CDH13: variants seen among roughly 807,000 people sequenced by gnomAD.
CDH13 encodes the protein cadherin 13, also known as cadherin-13.
In CDH13, 24 loss-of-function variants were observed where a neutral mutation model predicts 63.8. The ratio of observed to expected loss-of-function variants is 0.38; its 90% CI spans 0.27 to 0.53. CDH13 has a LOEUF of 0.53. Ranked by LOEUF, CDH13 falls within the 20% of genes least tolerant of loss-of-function variation. CDH13 has a pLI of 0.85. For synonymous variants in CDH13, 503 were observed against 355.3 expected (o/e 1.42, Z -4.67); for missense variants, 1,049 against 903.1 (o/e 1.16, Z -2.07).
rs1778250801 is a variant in CDH13 at position 83,774,597 on chromosome 16, C to A, written c.1682-5371C>A. On this transcript the variant is annotated intron_variant, in intron 11 of 13. Coordinates refer to ENST00000567109, the MANE Select transcript of CDH13 (RefSeq NM_001257.5). ...CCATGTTGGCCAGGCCAGTGTCAAA[C>A]TCCTGACCTCAAGTGATCTGCCCAC... is the stretch of plus-strand genomic sequence containing the variant. Among the ~76,000 whole-genome samples, 2 of 152,216 alleles carry A rather than the reference C, an allele frequency of 1.3e-5. 1 individual carries two copies. The highest frequency in any genetic ancestry group is 4.1e-4 in the South Asian group (2 of 4,834).
chr16:83,613,397 G>T (rs1238393737), intron 8 of CDH13, among the ~76,000 whole-genome samples: 1 of 152,034 alleles, frequency 6.6e-6, no homozygotes, highest in Non-Finnish European at 1.5e-5. Flanking sequence ...ATGTGTTTGT[G>T]TTTGTATGCA....
At chr16:83,482,632 G>A (rs947766939) in intron 6 of CDH13, among the ~76,000 whole-genome samples, 2 of 152,254 alleles carry the variant, frequency 1.3e-5, no homozygotes, top group Admixed American at 6.5e-5. Flanking sequence ...TCCAGGGGAA[G>A]GTACTGGCAA....
rs938874158 is a variant in CDH13 at position 82,741,366 on chromosome 16, C to T, written c.45+114229C>T. On this transcript the variant is annotated intron_variant, in intron 1 of 13. Coordinates refer to ENST00000567109, the MANE Select transcript of CDH13 (RefSeq NM_001257.5). The stretch of plus-strand genomic sequence containing the variant: ...GAATTGATGTTTATTCGTCAGAGCC[C>T]AGCTCAAACTTTACAACGTCTGCAC... 9.3e-4 allele frequency among the ~76,000 whole-genome samples: 141 copies of T among 152,180 alleles called. 1 individual carries two copies. Among genetic ancestry groups the T allele is most frequent in the African/African-American group, 3.3e-3 (137 of 41,454 alleles).
At chr16:83,241,279 A>G (rs1904421820) in intron 5 of CDH13, among the ~76,000 whole-genome samples, 1 of 152,216 alleles carries the variant, frequency 6.6e-6, no homozygotes, top group Admixed American at 6.5e-5. Context: ...TGACTATTGT[A>G]AATTACACTT....
At chr16:83,098,302 T>A (rs75353264) in intron 3 of CDH13, among the ~76,000 whole-genome samples, 2,614 of 152,336 alleles carry the variant, frequency 0.017, 78 homozygotes, top group African/African-American at 0.059. Context: ...TCCCAGCCTT[T>A]GCACTACTGC....
intron 2 of CDH13, among the ~76,000 whole-genome samples, chr16:82,896,604 G>T (rs560015222): frequency 2.0e-5 from 3 of 151,796 alleles, no homozygotes; most frequent in Admixed American, 1.3e-4. Context: ...CTCCAGGACA[G>T]GATTAAAGTG....
intron 4 of CDH13, among the ~76,000 whole-genome samples, chr16:83,211,601 C>A (rs1488930084): frequency 6.6e-6 from 1 of 152,170 alleles, no homozygotes; most frequent in Non-Finnish European, 1.5e-5. Context: ...CTGAATGGAA[C>A]ATTGGCTTTG....
At chr16:82,757,115 T>A (rs972329171) in intron 1 of CDH13, among the ~76,000 whole-genome samples, 1 of 152,152 alleles carries the variant, frequency 6.6e-6, no homozygotes, top group African/African-American at 2.4e-5. Context: ...AACTCTTAGT[T>A]CATACAGTGG....
chr16:83,259,859 G>C (rs1360595081), intron 5 of CDH13, among the ~76,000 whole-genome samples: 2 of 151,988 alleles, frequency 1.3e-5, no homozygotes, highest in Admixed American at 6.6e-5. Flanking sequence ...CCCTTCAAGT[G>C]AAAGAAGCAA....
chr16:83,661,718 C>T (rs78428659), intron 8 of CDH13, among the ~76,000 whole-genome samples: 1 of 152,186 alleles, frequency 6.6e-6, no homozygotes, highest in Non-Finnish European at 1.5e-5. Context: ...AGTACAGTCA[C>T]TGGAAGGTGG....
intron 1 of CDH13, among the ~76,000 whole-genome samples, chr16:82,769,871 G>GGAT (rs1251874374): frequency 6.6e-6 from 1 of 152,198 alleles, no homozygotes; most frequent in Non-Finnish European, 1.5e-5. Flanking sequence ...AAATGTGACA[G>GGAT]GATAAGTCAG....
rs957293794 is a variant in CDH13, at chr16:83,739,259, C to CA, written c.1539-8841dup. Among the ~76,000 whole-genome samples the CA allele has an allele frequency of 4.6e-4, 69 of 151,624 alleles. 1 individual carries two copies. Among genetic ancestry groups the CA allele is most frequent in the African/African-American group, 1.5e-3 (63 of 41,242 alleles). On this transcript the variant is annotated intron_variant, in intron 10 of 13. Transcript: ENST00000567109. ...GAGGGTGTCTACGTGACCAGCCCCC[C>CA]AAAAAAAACCCTGAATGTTGAGTCT... is the stretch of plus-strand genomic sequence containing the variant.
chr16:83,312,266 C>A (rs770625899), intron 5 of CDH13, among the ~76,000 whole-genome samples: 1 of 152,102 alleles, frequency 6.6e-6, no homozygotes, highest in Admixed American at 6.5e-5. Flanking sequence ...CACAGTACTG[C>A]TCTTATGTGA....
chr16:83,069,738 C>A (rs1307390777), intron 3 of CDH13, among the ~76,000 whole-genome samples: 1 of 152,152 alleles, frequency 6.6e-6, no homozygotes, highest in East Asian at 1.9e-4. Context: ...CACTCTGACA[C>A]CCATTCCAGT....
At chr16:83,680,633 GA>G (rs1915328421) in intron 10 of CDH13, among the ~76,000 whole-genome samples, 1 of 152,072 alleles carries the variant, frequency 6.6e-6, no homozygotes, top group Admixed American at 6.5e-5. Flanking sequence ...GGAGGTCAGA[GA>G]AAGCAACCTA....
intron 2 of CDH13, among the ~76,000 whole-genome samples, chr16:82,915,066 C>G (rs2041945009): frequency 6.6e-6 from 1 of 152,184 alleles, no homozygotes; most frequent in Non-Finnish European, 1.5e-5. Flanking sequence ...TATCCTGTTG[C>G]CTTTTTGAAA....
chr16:83,014,870 ATATATATATG>A (rs1567746165), intron 2 of CDH13, among the ~76,000 whole-genome samples: 9 of 113,112 alleles, frequency 8.0e-5, no homozygotes, highest in African/African-American at 3.0e-4. Flanking sequence ...ATATATATGT[ATATATATATG>A]TTTGTGTATA....
intron 5 of CDH13, among the ~76,000 whole-genome samples, chr16:83,278,521 G>A (rs1259555824): frequency 6.6e-6 from 1 of 152,166 alleles, no homozygotes; most frequent in African/African-American, 2.4e-5. Flanking sequence ...GTTTTGAGTT[G>A]AAGCTATCAA....
chr16:83,748,703 T>C (rs1671317645), intron 11 of CDH13, among the ~76,000 whole-genome samples: 2 of 152,218 alleles, frequency 1.3e-5, no homozygotes, highest in Non-Finnish European at 2.9e-5. Flanking sequence ...GTACCCTCAG[T>C]TAGTGGCTGC....
Sources: gnomAD v4.1 joint callset for allele counts (sites outside exome capture counted in the v4.1 genomes callset) on GRCh38, gnomAD v4.1.1 for gene constraint, MANE v1.5 for transcripts, NCBI Gene and HGNC (gene_info 2026-07-23, HGNC 2026-07-21) for gene names.